TEKT1: variants seen among roughly 807,000 people sequenced by gnomAD.
TEKT1 encodes tektin 1.
In TEKT1, 32 loss-of-function variants were observed where a neutral mutation model predicts 34.8. That is an observed-to-expected ratio of 0.92 (90% confidence interval 0.69 to 1.23). TEKT1 has a LOEUF of 1.23. Among genes scored for constraint, TEKT1 ranks in the 50% most tolerant of loss-of-function variants. TEKT1 has a pLI of 0.00. For missense variants in TEKT1, 492 were observed against 518.5 expected (o/e 0.95, Z 0.50); for synonymous variants, 207 against 199.8 (o/e 1.04, Z -0.30).
rs1390553963 is a variant in TEKT1, at chr17:6,812,880, A to G, written c.803T>C (p.Leu268Pro). 2 of 1,614,182 alleles carry G rather than the reference A, an allele frequency of 1.2e-6. No individual in the cohort carries two copies. The highest frequency in any genetic ancestry group is 1.7e-5 in the Admixed American group (1 of 60,038). Residue 268 changes from leucine (L) to proline (P), a missense_variant, in exon 6 of 8, where the codon CTG becomes CCG. Leu to Pro is a moderately conservative substitution (Grantham distance 98, BLOSUM62 -3). Coordinates refer to ENST00000338694, the MANE Select transcript of TEKT1 (RefSeq NM_053285.2). Reference sequence around the variant, plus strand: ...GTCCCTGGCATCCTTTGTATCCTTCAGCCCATTCTTGAATGCCGTGTCCAC... The same window carrying G: ...GTCCCTGGCATCCTTTGTATCCTTCGGCCCATTCTTGAATGCCGTGTCCAC... ...DVVDTAFKNG[L>P]KDTKDARDKL...
chr17:6,821,607 T>C (rs1010442559), intron 2 of TEKT1, among the ~76,000 whole-genome samples: 4 of 152,170 alleles, frequency 2.6e-5, no homozygotes, highest in Non-Finnish European at 5.9e-5. Flanking sequence ...GGAAATGTGG[T>C]AGTGACTTTG....
intron 2 of TEKT1, among the ~76,000 whole-genome samples, chr17:6,827,547 G>A (rs1303325225): frequency 6.6e-6 from 1 of 152,122 alleles, no homozygotes; most frequent in East Asian, 1.9e-4. Flanking sequence ...CCAGGCATGA[G>A]CCACCACACT....
rs534855696 is a variant in TEKT1 at position 6,806,924 on chromosome 17, G to A, written c.852+5907C>T. ...CATTTTTTCCTTCATTTCAACTTTG[G>A]TGAATCTGACAATTATGTGTCTTGG... On this transcript the variant is annotated intron_variant, in intron 6 of 7. Transcript: ENST00000338694. 3.9e-3 allele frequency among the ~76,000 whole-genome samples: 597 copies of A among 152,172 alleles called. 8 individuals are homozygous for A. The highest frequency in any genetic ancestry group is 0.014 in the African/African-American group (563 of 41,494).
At chr17:6,802,655 C>G (rs1221725496) in intron 6 of TEKT1, among the ~76,000 whole-genome samples, 1 of 148,726 alleles carries the variant, frequency 6.7e-6, no homozygotes, top group African/African-American at 2.5e-5. Flanking sequence ...ACAACAGGCC[C>G]TGGTGTGTGA....
chr17:6,815,376 T>C lies in TEKT1; in HGVS notation c.486-70A>G, dbSNP rs1976990571. 6.9e-6 allele frequency: 11 copies of C among 1,592,338 alleles called. No homozygotes were observed. In the Admixed American group the frequency reaches 1.7e-4, roughly 24 times the overall value. On this transcript the variant is annotated intron_variant, in intron 4 of 7. Transcript: ENST00000338694. The stretch of plus-strand genomic sequence containing the variant: ...GGTGGCACCCACGTCCTCAGAGAGG[T>C]CCTGGAAAGTGAAGCTGCAGCTAGG...
At position 6,800,059 on chromosome 17, in the gene TEKT1, C is replaced by A. The variant is rs562368031; in HGVS notation, c.1225G>T (p.Ala409Ser). 2 of 1,611,574 alleles carry A rather than the reference C, an allele frequency of 1.2e-6. No homozygotes were observed. Among genetic ancestry groups the A allele is most frequent in the African/African-American group, 1.3e-5 (1 of 75,042 alleles). The change falls in exon 8 of 8, where the codon GCT (alanine) becomes TCT (serine). Residue 409 changes from alanine (A) to serine (S), a missense_variant. Transcript: ENST00000338694. ...ACAGCATCAGGGCGGAGGCCCCCAGCCCAGACCCCATGGTCTTCCCCATCC... is the reference window on the plus strand; with the variant it reads ...ACAGCATCAGGGCGGAGGCCCCCAGACCAGACCCCATGGTCTTCCCCATCC... Reference protein sequence around the residue: ...LRDGEDHGVWAGGLRPDAVC With the variant: ...LRDGEDHGVWSGGLRPDAVC
intron 2 of TEKT1, among the ~76,000 whole-genome samples, chr17:6,829,049 G>A (rs886579819): frequency 1.9e-4 from 29 of 152,126 alleles, no homozygotes; most frequent in African/African-American, 7.0e-4. Context: ...TACTCAGGAG[G>A]CTGAGGCAGG....
chr17:6,800,436 A>G (rs955118867), intron 7 of TEKT1, among the ~76,000 whole-genome samples: 4 of 152,216 alleles, frequency 2.6e-5, no homozygotes, highest in Non-Finnish European at 4.4e-5. Flanking sequence ...AAAAAGACAG[A>G]GATTTCAATT....
chr17:6,828,081 A>G (rs541720129), intron 2 of TEKT1, among the ~76,000 whole-genome samples: 13 of 152,092 alleles, frequency 8.5e-5, no homozygotes, highest in African/African-American at 3.1e-4. Context: ...AGTAACCGGG[A>G]CTACAGATGC....
chr17:6,801,062 G>T, intron 6 of TEKT1, 119 bp from the exon 7 acceptor site: 1 of 973,098 alleles, frequency 1.0e-6, no homozygotes, highest in Non-Finnish European at 1.5e-6. Context: ...TTCTTCTTAA[G>T]CAGCATGCCA....
At chr17:6,819,115 TCGCACACAGC>T (rs1977049669) in intron 3 of TEKT1, 68 bp downstream of exon 3, 1 of 1,525,928 alleles carries the variant, frequency 6.6e-7, no homozygotes. Flanking sequence ...TAACTCACCA[TCGCACACAGC>T]CGGCATTTAC....
At chr17:6,806,355 G>A (rs1445134536) in intron 6 of TEKT1, among the ~76,000 whole-genome samples, 1 of 152,104 alleles carries the variant, frequency 6.6e-6, no homozygotes, top group Admixed American at 6.5e-5. Context: ...TTGAGCCTAT[G>A]TGTGTCTCTG....
rs1408574906 is a variant in TEKT1 at position 6,799,383 on chromosome 17, C to T, written c.*644G>A. ...TGTTGGTATAGGGTGGGACTGCTCA[C>T]AATGGCTCACATTCATTAAACACTC... On this transcript the variant is annotated 3_prime_UTR_variant, in exon 8 of 8. Transcript: ENST00000338694. 2 of 152,206 alleles carry T rather than the reference C, an allele frequency of 1.3e-5. No individual in the cohort carries two copies. The highest frequency in any genetic ancestry group is 1.9e-4 in the East Asian group (1 of 5,196). 9.4% of individuals were successfully genotyped at this position (152,206 alleles called of 1,614,324 possible).
chr17:6,813,505 G>C (rs1325589600), intron 5 of TEKT1, among the ~76,000 whole-genome samples: 1 of 148,706 alleles, frequency 6.7e-6, no homozygotes, highest in Non-Finnish European at 1.5e-5. Context: ...CTATCTTCTG[G>C]AACGACACTG....
rs2151580688 is a variant in TEKT1, at chr17:6,801,033, G to A, written c.853-90C>T. 9 of 1,232,278 alleles carry A rather than the reference G, an allele frequency of 7.3e-6. No homozygotes were observed. The East Asian group carries it at 1.9e-4, about 26-fold the overall frequency. The allele number at this position is 1,232,278 out of a possible 1,614,324, so 76.3% of individuals were successfully genotyped here. On this transcript the variant is annotated intron_variant, in intron 6 of 7. Transcript: ENST00000338694. ...AGATGGGTTGTGATCATGTAAGTTAGGAAGAGGGAACCTCAGATTTCTTCT... is the reference window on the plus strand; with the variant it reads ...AGATGGGTTGTGATCATGTAAGTTAAGAAGAGGGAACCTCAGATTTCTTCT...
chr17:6,814,346 A>G (rs1247233650), intron 5 of TEKT1, among the ~76,000 whole-genome samples: 1 of 152,238 alleles, frequency 6.6e-6, no homozygotes, highest in African/African-American at 2.4e-5. Context: ...TATTTCAAAA[A>G]GAAGGTTTTA....
intron 2 of TEKT1, among the ~76,000 whole-genome samples, chr17:6,823,114 G>GT (rs2151590590): frequency 6.6e-6 from 1 of 152,340 alleles, no homozygotes; most frequent in East Asian, 1.9e-4. Context: ...GAATCACCAA[G>GT]TAGACATTCA....
chr17:6,827,059 T>TG lies in TEKT1; in HGVS notation c.190+3127_190+3128insC, dbSNP rs1462032429. On this transcript the variant is annotated intron_variant, in intron 2 of 7. Coordinates refer to ENST00000338694, the MANE Select transcript of TEKT1 (RefSeq NM_053285.2). ...CATTGAAAAGGCTTTCTTTTGCCCA[T>TG]TACACTGTAGTGTTGCTTTGTCATA... Among the ~76,000 whole-genome samples, 6 of 152,256 alleles carry TG rather than the reference T, an allele frequency of 3.9e-5. No homozygotes were observed. In the East Asian group the frequency reaches 1.2e-3, roughly 29 times the overall value.
At position 6,819,456 on chromosome 17, in the gene TEKT1, A is replaced by T. The variant is rs1426969544; in HGVS notation, c.191-98T>A. 21 of 1,287,304 alleles carry T rather than the reference A, an allele frequency of 1.6e-5. No individual in the cohort carries two copies. In the South Asian group the frequency reaches 3.3e-4, roughly 20 times the overall value. The allele number at this position is 1,287,304 out of a possible 1,614,324, so 79.7% of individuals were successfully genotyped here. ...AGACTGTTGTAAAACCACCTGTGACATGCTCTTTTCCTCTTAGTGCTGTGC... is the reference window on the plus strand; with the variant it reads ...AGACTGTTGTAAAACCACCTGTGACTTGCTCTTTTCCTCTTAGTGCTGTGC... On this transcript the variant is annotated intron_variant, in intron 2 of 7. Coordinates refer to ENST00000338694, the MANE Select transcript of TEKT1 (RefSeq NM_053285.2).
Sources: allele counts gnomAD v4.1 joint callset (sites outside exome capture counted in the v4.1 genomes callset), GRCh38; gene constraint gnomAD v4.1.1; transcripts MANE v1.5; gene names NCBI Gene and HGNC (gene_info 2026-07-23, HGNC 2026-07-21).